TBX3: variants seen among roughly 807,000 people sequenced by gnomAD.
TBX3 encodes the protein T-box transcription factor 3, also known as T-box transcription factor TBX3.
A neutral mutation model predicts 47.8 loss-of-function variants in TBX3; 11 were observed. The ratio of observed to expected loss-of-function variants is 0.23; its 90% CI spans 0.14 to 0.38. The LOEUF (loss-of-function observed/expected upper bound fraction) is 0.38, where lower values mean the gene tolerates loss of function less well. TBX3 is among the 10% of genes least tolerant of loss of function. The pLI is 1.00. For missense variants in TBX3, 927 were observed against 1,022.8 expected (o/e 0.91, Z 1.28); for synonymous variants, 500 against 449.3 (o/e 1.11, Z -1.43).
rs77971713 is a variant in TBX3, at chr12:114,671,596, G to A, written c.*245C>T. ...ATAAATGTTGGAACTCCTACCCCCA[G>A]TAGCTCAATGCAACCGACGTTTCTG... On this transcript the variant is annotated 3_prime_UTR_variant, in exon 7 of 7. Coordinates refer to ENST00000349155, the MANE Select transcript of TBX3 (RefSeq NM_005996.4). 0.016 allele frequency: 9,622 copies of A among 592,340 alleles called. 148 individuals are homozygous for A. The highest frequency in any genetic ancestry group is 0.052 in the East Asian group (1,809 of 34,934). 36.7% of individuals were successfully genotyped at this position (592,340 alleles called of 1,614,324 possible). A position where few individuals can be genotyped will look rare whatever the true frequency, so the allele number is the denominator to read the frequency against.
At position 114,681,156 on chromosome 12, in the gene TBX3, G is replaced by A. The variant is rs761189760; in HGVS notation, c.390-10C>T. ...TGGAGGAAACATTCGCCTATAAAAC[G>A]AAAGAATAGAAAAGAAAAAGAAAGA... On this transcript the variant is annotated splice_polypyrimidine_tract_variant and intron_variant, in intron 1 of 6. Coordinates refer to ENST00000349155, the MANE Select transcript of TBX3 (RefSeq NM_005996.4). The A allele has an allele frequency of 5.6e-6, 9 of 1,613,618 alleles. No individual in the cohort carries two copies. Among genetic ancestry groups the A allele is most frequent in the Non-Finnish European group, 7.6e-6 (9 of 1,179,948 alleles).
rs183205367 is a variant in TBX3, at chr12:114,680,624, C to T, written c.657+255G>A. 78 of 594,982 alleles carry T rather than the reference C, an allele frequency of 1.3e-4. No homozygotes were observed. The African/African-American group carries it at 1.3e-3, about 10-fold the overall frequency. The allele number at this position is 594,982 out of a possible 1,614,324, so 36.9% of individuals were successfully genotyped here. A position where few individuals can be genotyped will look rare whatever the true frequency, so the allele number is the denominator to read the frequency against. On this transcript the variant is annotated intron_variant, in intron 2 of 6. Transcript: ENST00000349155. ...ATGGTTTTTAACTTCACTCTCAGGT[C>T]AGGAATCTACCAAAGAGCTGGAATT...
In TBX3 at chr12:114,680,797, C is replaced by A. The variant is rs760445866; in HGVS notation, c.657+82G>T. On this transcript the variant is annotated intron_variant, in intron 2 of 6. Coordinates refer to ENST00000349155, the MANE Select transcript of TBX3 (RefSeq NM_005996.4). ...GGGAGAAGCAAAGGAGAAGTCTGGG[C>A]TGAAACTCATGAAATGGGAAGCACT... 19 of 1,592,158 alleles carry A rather than the reference C, an allele frequency of 1.2e-5. No homozygotes were observed. In the African/African-American group the frequency reaches 2.2e-4, roughly 18 times the overall value.
chr12:114,681,206 G>C (rs550776069), intron 1 of TBX3, 60 bp from the exon 2 acceptor site: 1 of 1,595,334 alleles, frequency 6.3e-7, no homozygotes, highest in Non-Finnish European at 8.6e-7. Context: ...TCTTGGGTTT[G>C]ATTTCCTATG....
rs1228493831 is a variant in TBX3, at chr12:114,684,062, AGAGGGAGGG to A, written c.-871_-863del. 3.1e-5 allele frequency: 6 copies of A among 191,982 alleles called. No homozygotes were observed. The highest frequency in any genetic ancestry group is 1.4e-4 in the African/African-American group (5 of 34,884). The allele number at this position is 191,982 out of a possible 1,614,324, so 11.9% of individuals were successfully genotyped here. ...GGGAAAAAATGGAACAGAGGGAAAGAGAGGGAGGGGAGAGAGAGAGAGAGAGAGAGAGAC... is the reference window on the plus strand; with the variant it reads ...GGGAAAAAATGGAACAGAGGGAAAGAGAGAGAGAGAGAGAGAGAGAGAGAC... On this transcript the variant is annotated 5_prime_UTR_variant, in exon 1 of 7. Transcript: ENST00000349155.
At position 114,683,518 on chromosome 12, in the gene TBX3, G is replaced by A; in HGVS notation, c.-318C>T. ...GCTCCTGAACGTCGGTTTCAGAAGC[G>A]AGAGGAGCGAGCAGGGTCTCGACTC... On this transcript the variant is annotated 5_prime_UTR_variant, in exon 1 of 7. Coordinates refer to ENST00000349155, the MANE Select transcript of TBX3 (RefSeq NM_005996.4). This position sits in a 1 kb window ranked among gnomAD's most constrained non-coding sequence, Gnocchi z 7.7. The A allele has an allele frequency of 5.2e-6, 2 of 381,904 alleles. No homozygotes were observed. Among genetic ancestry groups the A allele is most frequent in the East Asian group, 4.3e-5 (1 of 23,168 alleles). The allele number at this position is 381,904 out of a possible 1,614,324, so 23.7% of individuals were successfully genotyped here. A position where few individuals can be genotyped will look rare whatever the true frequency, so the allele number is the denominator to read the frequency against.
chr12:114,671,713 G>T lies in TBX3; in HGVS notation c.*128C>A, dbSNP rs960280003. Reference sequence around the variant, plus strand: ...GCACATTCTCTCGAGGGAGTCCGGGGCCCCTTCCCAGACGCAACTGCAAAA... The same window carrying T: ...GCACATTCTCTCGAGGGAGTCCGGGTCCCCTTCCCAGACGCAACTGCAAAA... On this transcript the variant is annotated 3_prime_UTR_variant, in exon 7 of 7. Transcript: ENST00000349155. 39 of 1,234,868 alleles carry T rather than the reference G, an allele frequency of 3.2e-5. No individual in the cohort carries two copies. In the African/African-American group the frequency reaches 5.7e-4, roughly 18 times the overall value. The allele number at this position is 1,234,868 out of a possible 1,614,324, so 76.5% of individuals were successfully genotyped here. A position where few individuals can be genotyped will look rare whatever the true frequency, so the allele number is the denominator to read the frequency against.
At chr12:114,680,663 A>G in intron 2 of TBX3, 2 of 690,800 alleles carry the variant, frequency 2.9e-6, no homozygotes, top group Non-Finnish European at 5.0e-6. Context: ...ATAGAACACA[A>G]GCCGGTAAGT....
In TBX3 at chr12:114,676,335, A is replaced by G. The variant is rs770623166; in HGVS notation, c.1017T>C (p.Thr339=). The G allele has an allele frequency of 1.2e-6, 2 of 1,613,968 alleles. No homozygotes were observed. Among genetic ancestry groups the G allele is most frequent in the Non-Finnish European group, 1.7e-6 (2 of 1,180,048 alleles). ...FAQASSPAAS[T]VGTSNLKDLC... ...TACCTTTGAGGTTCGATGTCCCTACAGTGGAGGCGGCTGGAGAAGAAGCCT... is the reference window on the plus strand; with the variant it reads ...TACCTTTGAGGTTCGATGTCCCTACGGTGGAGGCGGCTGGAGAAGAAGCCT... The change falls in exon 5 of 7, where the codon ACT becomes ACC. Residue 339 remains threonine, a synonymous_variant. Coordinates refer to ENST00000349155, the MANE Select transcript of TBX3 (RefSeq NM_005996.4).
chr12:114,682,685 C>G lies in TBX3; in HGVS notation c.389+127G>C. ...GGCAGGGCCTGGAAGTCTGTGCATA[C>G]ATTTCTAGGGGAACTAACTTTTCGT... On this transcript the variant is annotated intron_variant, in intron 1 of 6. Transcript: ENST00000349155. The G allele has an allele frequency of 4.1e-6, 6 of 1,449,086 alleles. No individual in the cohort carries two copies. In the South Asian group the frequency reaches 7.2e-5, roughly 17 times the overall value. 89.8% of individuals were successfully genotyped at this position (1,449,086 alleles called of 1,614,324 possible).
At position 114,680,171 on chromosome 12, in the gene TBX3, C is replaced by T. The variant is rs563285912; in HGVS notation, c.658-520G>A. 29 of 621,440 alleles carry T rather than the reference C, an allele frequency of 4.7e-5. No individual in the cohort carries two copies. The East Asian group carries it at 7.8e-4, about 17-fold the overall frequency. 38.5% of individuals were successfully genotyped at this position (621,440 alleles called of 1,614,324 possible). ...ATATTTCCGCGCCATTCGCGTCTTC[C>T]TGGGCCTAATCTTTCTGCTTACTCC... is the stretch of plus-strand genomic sequence containing the variant. On this transcript the variant is annotated intron_variant, in intron 2 of 6. Coordinates refer to ENST00000349155, the MANE Select transcript of TBX3 (RefSeq NM_005996.4).
At position 114,671,752 on chromosome 12, in the gene TBX3, C is replaced by T. The variant is rs940639441; in HGVS notation, c.*89G>A. 3.3e-6 allele frequency: 5 copies of T among 1,508,192 alleles called. No homozygotes were observed. In the African/African-American group the frequency reaches 5.5e-5, roughly 17 times the overall value. The allele number at this position is 1,508,192 out of a possible 1,614,324, so 93.4% of individuals were successfully genotyped here. A position where few individuals can be genotyped will look rare whatever the true frequency, so the allele number is the denominator to read the frequency against. ...GCAACTGCAAAAGGAAGGGCTAACG[C>T]CATGGCGGGCCCGTGGTTTATTTTA... On this transcript the variant is annotated 3_prime_UTR_variant, in exon 7 of 7. Transcript: ENST00000349155.
In TBX3 at chr12:114,671,742, A is replaced by G; in HGVS notation, c.*99T>C. On this transcript the variant is annotated 3_prime_UTR_variant, in exon 7 of 7. Transcript: ENST00000349155. ...CTTCCCAGACGCAACTGCAAAAGGA[A>G]GGGCTAACGCCATGGCGGGCCCGTG... is the stretch of plus-strand genomic sequence containing the variant. 14 of 1,474,038 alleles carry G rather than the reference A, an allele frequency of 9.5e-6. No individual in the cohort carries two copies. Among genetic ancestry groups the G allele is most frequent in the Non-Finnish European group, 1.3e-5 (14 of 1,081,038 alleles). 91.3% of individuals were successfully genotyped at this position (1,474,038 alleles called of 1,614,324 possible). A position where few individuals can be genotyped will look rare whatever the true frequency, so the allele number is the denominator to read the frequency against.
rs1868365789 is a variant in TBX3, at chr12:114,670,338, CAACTAT to C, written c.*1497_*1502del. 4.5e-6 allele frequency: 1 copy of C among 224,590 alleles called. No homozygotes were observed. Among genetic ancestry groups the C allele is most frequent in the African/African-American group, 2.2e-5 (1 of 44,922 alleles). The allele number at this position is 224,590 out of a possible 1,614,324, so 13.9% of individuals were successfully genotyped here. Reference sequence around the variant, plus strand: ...TACAGAAAACCAAAGAACTCATCAACAACTATAACACAAAATATACCTTCATGAATT... The same window carrying C: ...TACAGAAAACCAAAGAACTCATCAACAACACAAAATATACCTTCATGAATT... On this transcript the variant is annotated 3_prime_UTR_variant, in exon 7 of 7. Coordinates refer to ENST00000349155, the MANE Select transcript of TBX3 (RefSeq NM_005996.4).
intron 6 of TBX3, among the ~76,000 whole-genome samples, chr12:114,672,570 G>A (rs558657774): frequency 2.0e-5 from 3 of 151,898 alleles, no homozygotes; most frequent in Admixed American, 2.0e-4. Context: ...TTCCTTATAG[G>A]AAGAAAAAAC....
At chr12:114,676,208 C>G in intron 5 of TBX3, 105 bp downstream of exon 5, 1 of 1,467,048 alleles carries the variant, frequency 6.8e-7, no homozygotes, top group Non-Finnish European at 9.4e-7. Flanking sequence ...TAGAAGGCTT[C>G]TAGCTTTTAA....
At chr12:114,679,739 T>C in intron 2 of TBX3, 88 bp from the exon 3 acceptor site, 1 of 1,595,636 alleles carries the variant, frequency 6.3e-7, no homozygotes, top group Non-Finnish European at 8.6e-7. Context: ...GCTGAAATCT[T>C]CCCCACCGCA....
rs527550312 is a variant in TBX3, at chr12:114,671,453, A to G, written c.*388T>C. Reference sequence around the variant, plus strand: ...TTTGAAAGATTTTGTTTTTGTTTCCACTTGACACAGTGAAGGAAAAATATA... The same window carrying G: ...TTTGAAAGATTTTGTTTTTGTTTCCGCTTGACACAGTGAAGGAAAAATATA... On this transcript the variant is annotated 3_prime_UTR_variant, in exon 7 of 7. Transcript: ENST00000349155. The G allele has an allele frequency of 2.9e-4, 88 of 300,588 alleles. No individual in the cohort carries two copies. The highest frequency in any genetic ancestry group is 1.6e-3 in the African/African-American group (78 of 47,454). The allele number at this position is 300,588 out of a possible 1,614,324, so 18.6% of individuals were successfully genotyped here.
intron 2 of TBX3, 117 bp from the exon 3 acceptor site, chr12:114,679,768 G>GAGTACA: frequency 6.5e-7 from 1 of 1,541,970 alleles, no homozygotes; most frequent in Non-Finnish European, 8.9e-7. Context: ...CGCTTGTACC[G>GAGTACA]AGCCCACCTC....
Sources: gnomAD v4.1 joint callset for allele counts (sites outside exome capture counted in the v4.1 genomes callset) on GRCh38, gnomAD v4.1.1 for gene constraint, Gnocchi (gnomAD v3.1) non-coding constraint, MANE v1.5 for transcripts, NCBI Gene and HGNC (gene_info 2026-07-23, HGNC 2026-07-21) for gene names.